The following CNTNAP2 variants were observed in gnomAD, a reference collection of about 807,000 sequenced individuals.
The protein encoded by CNTNAP2 is contactin associated protein 2, also known as contactin-associated protein-like 2.
Under a neutral mutation model 155.2 loss-of-function variants are expected in CNTNAP2, and 98 were observed. That is an observed-to-expected ratio of 0.63 (90% CI 0.54 to 0.75). The LOEUF is 0.75. Among genes scored for constraint, CNTNAP2 ranks in the 30% least tolerant of loss-of-function variants. The pLI, the probability that CNTNAP2 is intolerant of heterozygous loss-of-function variation, is 0.00. For missense variants in CNTNAP2, 1,727 were observed against 1,688.1 expected (o/e 1.02, Z -0.40); for synonymous variants, 651 against 631.2 (o/e 1.03, Z -0.47).
intron 10 of CNTNAP2, among the ~76,000 whole-genome samples, chr7:147,416,493 T>G (rs1176720642): frequency 6.6e-6 from 1 of 152,222 alleles, no homozygotes; most frequent in Non-Finnish European, 1.5e-5. Context: ...ACAACTCCAG[T>G]GTTCACAGTG....
intron 22 of CNTNAP2, among the ~76,000 whole-genome samples, chr7:148,398,281 A>G (rs2116694414): frequency 6.6e-6 from 1 of 152,350 alleles, no homozygotes; most frequent in Admixed American, 6.5e-5. Flanking sequence ...AAAAAGGATC[A>G]ACCTCACATT....
chr7:146,999,018 C>CTT (rs1054444677), intron 3 of CNTNAP2, among the ~76,000 whole-genome samples: 14 of 151,838 alleles, frequency 9.2e-5, no homozygotes, highest in Admixed American at 3.3e-4. Context: ...TTACTGCTGT[C>CTT]TTTTTGTTAC....
intron 8 of CNTNAP2, among the ~76,000 whole-genome samples, chr7:147,275,420 T>C (rs1305872511): frequency 6.6e-6 from 1 of 151,068 alleles, no homozygotes; most frequent in African/African-American, 2.4e-5. Flanking sequence ...TATGTTTGTG[T>C]GTGTGTGTGT....
intron 19 of CNTNAP2, among the ~76,000 whole-genome samples, chr7:148,224,086 A>T (rs1292919692): frequency 6.6e-6 from 1 of 152,056 alleles, no homozygotes; most frequent in Non-Finnish European, 1.5e-5. Context: ...TAAAAAAAAA[A>T]AGCTGTGCTT....
chr7:147,185,097 CACTT>C (rs1233013282), intron 8 of CNTNAP2, among the ~76,000 whole-genome samples: 3 of 152,190 alleles, frequency 2.0e-5, no homozygotes, highest in Admixed American at 2.0e-4. Context: ...TCAGCTAAAA[CACTT>C]ACATTACAAA....
chr7:148,035,680 T>G (rs1422766863), intron 15 of CNTNAP2, among the ~76,000 whole-genome samples: 1 of 152,106 alleles, frequency 6.6e-6, no homozygotes, highest in Non-Finnish European at 1.5e-5. Flanking sequence ...CATAGCAGAT[T>G]TCCCACTATG....
At chr7:146,136,444 CTT>C (rs1797798834) in intron 1 of CNTNAP2, among the ~76,000 whole-genome samples, 1 of 152,138 alleles carries the variant, frequency 6.6e-6, no homozygotes, top group Non-Finnish European at 1.5e-5. Context: ...CTTCCAGAGA[CTT>C]TGAATGTTTG....
At chr7:147,415,549 C>A (rs1198467544) in intron 10 of CNTNAP2, among the ~76,000 whole-genome samples, 1 of 152,168 alleles carries the variant, frequency 6.6e-6, no homozygotes, top group Non-Finnish European at 1.5e-5. Flanking sequence ...GCCTTGCTTC[C>A]CCTTCACCTT....
At chr7:146,960,008 C>G (rs1370753387) in intron 3 of CNTNAP2, among the ~76,000 whole-genome samples, 1 of 152,054 alleles carries the variant, frequency 6.6e-6, no homozygotes, top group African/African-American at 2.4e-5. Context: ...CCCCTTGACC[C>G]TGGGGCACAG....
At chr7:148,019,522 A>G (rs1802239704) in intron 15 of CNTNAP2, among the ~76,000 whole-genome samples, 1 of 151,142 alleles carries the variant, frequency 6.6e-6, no homozygotes, top group African/African-American at 2.4e-5. Flanking sequence ...TGCAGTTGTG[A>G]TATCTTGGCT....
chr7:146,814,823 G>A (rs2129194668), intron 2 of CNTNAP2, among the ~76,000 whole-genome samples: 1 of 152,276 alleles, frequency 6.6e-6, no homozygotes, highest in South Asian at 2.1e-4. Flanking sequence ...AAAACTTACA[G>A]TCATTTCTGG....
chr7:147,618,592 CTG>C (rs1434832231), intron 12 of CNTNAP2, among the ~76,000 whole-genome samples: 8 of 151,022 alleles, frequency 5.3e-5, no homozygotes, highest in Admixed American at 5.3e-4. Flanking sequence ...GAACTTCAGA[CTG>C]TATATGAATA....
intron 1 of CNTNAP2, among the ~76,000 whole-genome samples, chr7:146,755,210 A>G (rs765704885): frequency 5.9e-5 from 9 of 151,990 alleles, no homozygotes; most frequent in Non-Finnish European, 1.0e-4. Flanking sequence ...TATATCTAGC[A>G]TTGGTGTTGT....
intron 1 of CNTNAP2, among the ~76,000 whole-genome samples, chr7:146,276,390 C>T (rs1266057052): frequency 6.6e-6 from 1 of 152,212 alleles, no homozygotes; most frequent in Non-Finnish European, 1.5e-5. Flanking sequence ...TATGCATCAT[C>T]TTAACCAAGG....
chr7:146,678,643 CAA>C (rs2129169418), intron 1 of CNTNAP2, among the ~76,000 whole-genome samples: 1 of 152,152 alleles, frequency 6.6e-6, no homozygotes, highest in African/African-American at 2.4e-5. Context: ...ATGGACTTTT[CAA>C]AAGTTTATGT....
intron 9 of CNTNAP2, among the ~76,000 whole-genome samples, chr7:147,360,579 T>A (rs1240446802): frequency 6.6e-6 from 1 of 152,164 alleles, no homozygotes; most frequent in Non-Finnish European, 1.5e-5. Context: ...ATGGTGCTTT[T>A]TTCACTCTTT....
intron 3 of CNTNAP2, among the ~76,000 whole-genome samples, chr7:146,885,067 A>G (rs1366039426): frequency 6.6e-6 from 1 of 152,144 alleles, no homozygotes; most frequent in Non-Finnish European, 1.5e-5. Flanking sequence ...TCATGGAAAA[A>G]TATGTTTACA....
At chr7:146,586,485 T>C (rs1444136594) in intron 1 of CNTNAP2, among the ~76,000 whole-genome samples, 1 of 152,142 alleles carries the variant, frequency 6.6e-6, no homozygotes, top group Non-Finnish European at 1.5e-5. Context: ...AGTGAATTAA[T>C]ATTAGGCTTA....
At chr7:147,714,916 C>T (rs76726484) in intron 13 of CNTNAP2, among the ~76,000 whole-genome samples, 4,284 of 152,136 alleles carry the variant, frequency 0.028, 88 homozygotes, top group Middle Eastern at 0.11. Flanking sequence ...TTCACAAATG[C>T]TATATTTATA....
Sources: allele counts gnomAD v4.1 joint callset (sites outside exome capture counted in the v4.1 genomes callset), GRCh38; gene constraint gnomAD v4.1.1; transcripts MANE v1.5; gene names NCBI Gene and HGNC (gene_info 2026-07-23, HGNC 2026-07-21).